Variants in CCDC141 observed in about 807,000 individuals in gnomAD.
CCDC141 encodes the protein coiled-coil domain-containing protein 141.
In CCDC141, 168 loss-of-function variants were observed where a neutral mutation model predicts 181.0. The ratio of observed to expected loss-of-function variants is 0.93; its 90% CI spans 0.82 to 1.05. CCDC141 has a LOEUF of 1.05. Among genes scored for constraint, CCDC141 ranks in the 50% least tolerant of loss-of-function variants. The pLI, the probability that CCDC141 is intolerant of heterozygous loss-of-function variation, is 0.00. For synonymous variants in CCDC141, 666 were observed against 642.3 expected (o/e 1.04, Z -0.56); for missense variants, 1,902 against 1,788.5 (o/e 1.06, Z -1.14).
In CCDC141 at chr2:178,847,034, A is replaced by C. The variant is rs16866562; in HGVS notation, c.3358-1292T>G. On this transcript the variant is annotated intron_variant, in intron 21 of 23. Coordinates refer to ENST00000443758, the MANE Select transcript of CCDC141 (RefSeq NM_173648.4). ...TACAAACACCTGTAAAGTGCTGGTA[A>C]GCATTCTTTGGGAAGCGTTTGTTGC... Among the ~76,000 whole-genome samples, 778 of 152,346 alleles carry C rather than the reference A, an allele frequency of 5.1e-3. 10 individuals are homozygous for C. Among genetic ancestry groups the C allele is most frequent in the African/African-American group, 0.018 (749 of 41,570 alleles).
chr2:179,026,173 C>T (rs1259854864), intron 2 of CCDC141, among the ~76,000 whole-genome samples: 1 of 152,176 alleles, frequency 6.6e-6, no homozygotes, highest in Non-Finnish European at 1.5e-5. Context: ...AATTCCCACA[C>T]AATGGAGCAA....
At chr2:178,925,206 TTCTTA>T (rs1688865869) in intron 6 of CCDC141, among the ~76,000 whole-genome samples, 1 of 152,254 alleles carries the variant, frequency 6.6e-6, no homozygotes, top group African/African-American at 2.4e-5. Flanking sequence ...AGCTGCTGCT[TTCTTA>T]TCTTAGTTCA....
intron 2 of CCDC141, among the ~76,000 whole-genome samples, chr2:179,022,705 T>TACC (rs1354182349): frequency 1.3e-5 from 2 of 152,232 alleles, no homozygotes; most frequent in Non-Finnish European, 2.9e-5. Context: ...TTTGTGAGTC[T>TACC]ACCAGGGTCA....
chr2:178,985,230 G>A (rs1245112272), intron 2 of CCDC141, among the ~76,000 whole-genome samples: 4 of 151,334 alleles, frequency 2.6e-5, no homozygotes, highest in South Asian at 2.1e-4. Context: ...GGTACATAAC[G>A]AAATGAAGGC....
At chr2:178,968,633 C>A (rs924956613) in intron 4 of CCDC141, among the ~76,000 whole-genome samples, 1 of 152,004 alleles carries the variant, frequency 6.6e-6, no homozygotes, top group Non-Finnish European at 1.5e-5. Context: ...CAAAAGAAAG[C>A]AGGAAAGATC....
the CCDC141 span, among the ~76,000 whole-genome samples, chr2:178,822,714 A>T: frequency 1.3e-5 from 2 of 152,232 alleles, no homozygotes; most frequent in Non-Finnish European, 2.9e-5. Context: ...TTCTCAGGGC[A>T]ACATCAATGG....
chr2:179,034,129 G>A (rs1194582634), intron 2 of CCDC141, among the ~76,000 whole-genome samples: 3 of 152,144 alleles, frequency 2.0e-5, no homozygotes, highest in African/African-American at 7.2e-5. Flanking sequence ...TAAAGAAAAT[G>A]TGGTATATAA....
chr2:178,935,618 A>G (rs957390703), intron 6 of CCDC141, among the ~76,000 whole-genome samples: 2 of 152,116 alleles, frequency 1.3e-5, no homozygotes, highest in Admixed American at 6.6e-5. Flanking sequence ...AGAATGATTT[A>G]TATTCCTCTG....
chr2:178,827,417 T>C (rs888187305), downstream of CCDC141, among the ~76,000 whole-genome samples: 6 of 152,284 alleles, frequency 3.9e-5, no homozygotes, highest in African/African-American at 1.2e-4. Flanking sequence ...CTGTTAGTAA[T>C]CCCATTTTTT....
At chr2:179,004,148 T>C (rs993017162) in intron 2 of CCDC141, among the ~76,000 whole-genome samples, 1 of 152,182 alleles carries the variant, frequency 6.6e-6, no homozygotes, top group Non-Finnish European at 1.5e-5. Context: ...GAAATCCATG[T>C]TAAAATAAGA....
chr2:178,817,449 T>C, the CCDC141 span: 1 of 467,636 alleles, frequency 2.1e-6, no homozygotes, highest in African/African-American at 2.0e-5. Flanking sequence ...TCTTTTTCTG[T>C]GGATAATATA....
At chr2:178,960,904 T>C (rs778061699) in intron 5 of CCDC141, among the ~76,000 whole-genome samples, 1 of 152,180 alleles carries the variant, frequency 6.6e-6, no homozygotes. Flanking sequence ...AAAATTGCAA[T>C]TAACATTTCA....
At chr2:178,953,381 G>A (rs1690035566) in intron 5 of CCDC141, among the ~76,000 whole-genome samples, 1 of 151,366 alleles carries the variant, frequency 6.6e-6, no homozygotes, top group Non-Finnish European at 1.5e-5. Context: ...AGTTTGCAGT[G>A]AGCCGAGATT....
At chr2:179,029,337 T>C (rs538904992) in intron 2 of CCDC141, among the ~76,000 whole-genome samples, 91 of 152,364 alleles carry the variant, frequency 6.0e-4, no homozygotes, top group African/African-American at 2.1e-3. Flanking sequence ...ACTAATAGTA[T>C]TGTAGGCCAT....
At chr2:178,976,263 A>T (rs1453268142) in intron 3 of CCDC141, among the ~76,000 whole-genome samples, 1 of 152,186 alleles carries the variant, frequency 6.6e-6, no homozygotes, top group African/African-American at 2.4e-5. Flanking sequence ...TTGGGTTTAG[A>T]ATAAACTAAT....
chr2:179,039,371 A>G (rs1267143281), intron 2 of CCDC141, among the ~76,000 whole-genome samples: 1 of 152,114 alleles, frequency 6.6e-6, no homozygotes, highest in Non-Finnish European at 1.5e-5. Flanking sequence ...CTTTTCTATT[A>G]AATTAAACAT....
At chr2:178,978,346 T>C in intron 3 of CCDC141, 138 bp downstream of exon 3, 1 of 462,752 alleles carries the variant, frequency 2.2e-6, no homozygotes, top group Non-Finnish European at 3.6e-6. Context: ...AAATTAAATA[T>C]ATTGTGTATG....
chr2:178,874,911 G>C (rs777277913), intron 12 of CCDC141: 9 of 152,156 alleles, frequency 5.9e-5, no homozygotes, highest in Admixed American at 4.6e-4. Flanking sequence ...TAAGCAAAAG[G>C]CCTCTGAAAA....
chr2:179,033,983 T>C (rs562865628), intron 2 of CCDC141, among the ~76,000 whole-genome samples: 110 of 152,312 alleles, frequency 7.2e-4, no homozygotes, highest in Admixed American at 1.3e-3. Flanking sequence ...AATTTAAAAC[T>C]TTATTTCTCC....
Sources: gnomAD v4.1 joint callset for allele counts (sites outside exome capture counted in the v4.1 genomes callset) on GRCh38, gnomAD v4.1.1 for gene constraint, MANE v1.5 for transcripts, NCBI Gene and HGNC (gene_info 2026-07-23, HGNC 2026-07-21) for gene names.